The following ZNF621 variants were observed in gnomAD, a reference collection of about 807,000 sequenced individuals.
ZNF621 encodes zinc finger protein 621.
A neutral mutation model predicts 12.7 loss-of-function variants in ZNF621; 6 were observed. The observed-to-expected ratio is 0.47, with a 90% CI of 0.26 to 0.93. The LOEUF (loss-of-function observed/expected upper bound fraction) is 0.93, where lower values mean the gene tolerates loss of function less well. ZNF621 is among the 40% of genes least tolerant of loss of function. The pLI is 0.15. For synonymous variants in ZNF621, 156 were observed against 190.3 expected, an observed-to-expected ratio of 0.82 and a Z score of 1.48; for missense variants, 474 against 524.0, an observed-to-expected ratio of 0.90 and a Z score of 0.93.
rs1488438616 is a variant in ZNF621, at chr3:40,532,431, G to A, written c.661G>A (p.Ala221Thr). The change falls in exon 5 of 5, where the codon GCC becomes ACC. Residue 221 changes from alanine to threonine, a missense_variant. Ala to Thr is a moderately conservative substitution (Grantham distance 58). Transcript: ENST00000339296. ...ECGKGLSSNT[A>T]LTQHQRIHTG... ...TGGCAAAGGTTTGAGTTCCAACACA[G>A]CCTTGACTCAACATCAGAGGATCCA... The A allele has an allele frequency of 1.9e-6, 3 of 1,613,868 alleles. No homozygotes were observed. The highest frequency in any genetic ancestry group is 2.5e-6 in the Non-Finnish European group (3 of 1,179,996).
rs756241056 is a variant in ZNF621 at position 40,532,393 on chromosome 3, A to G, written c.623A>G (p.Glu208Gly). The change falls in exon 5 of 5, where the codon GAA (glutamate) becomes GGA (glycine). Residue 208 changes from glutamate to glycine, a missense_variant. Physicochemically the swap from Glu to Gly is moderately conservative, Grantham distance 98 (BLOSUM62 -2). Transcript: ENST00000339296. ...AACCACATTGGAGAAGGGCCCTATG[A>G]ATGTAAGGAGTGTGGCAAAGGTTTG... ...EKNHIGEGPYECKECGKGLSS... is the reference protein window; with the variant it reads ...EKNHIGEGPYGCKECGKGLSS... 3.1e-6 allele frequency: 5 copies of G among 1,613,684 alleles called. No homozygotes were observed. In the East Asian group the frequency reaches 8.9e-5, roughly 29 times the overall value.
rs1698904628 is a variant in ZNF621, at chr3:40,537,791, CATCTT to C, written c.*4705_*4709del. The C allele has an allele frequency of 6.1e-6, 1 of 163,464 alleles. No individual in the cohort carries two copies. Among genetic ancestry groups the C allele is most frequent in the Non-Finnish European group, 1.3e-5 (1 of 76,374 alleles). 10.1% of individuals were successfully genotyped at this position (163,464 alleles called of 1,614,324 possible). A position where few individuals can be genotyped will look rare whatever the true frequency, so the allele number is the denominator to read the frequency against. ...GGTTGGTTCATGAGGTTTAAGAAGT[CATCTT>C]ATCATAAAAGTGCAAGGTGAAGCAG... On this transcript the variant is annotated 3_prime_UTR_variant, in exon 5 of 5. Coordinates refer to ENST00000339296, the MANE Select transcript of ZNF621 (RefSeq NM_198484.5).
chr3:40,533,291 T>C lies in ZNF621; in HGVS notation c.*201T>C. The C allele has an allele frequency of 1.2e-6, 1 of 814,386 alleles. No homozygotes were observed. Among genetic ancestry groups the C allele is most frequent in the Non-Finnish European group, 1.8e-6 (1 of 550,674 alleles). The allele number at this position is 814,386 out of a possible 1,614,324, so 50.4% of individuals were successfully genotyped here. On this transcript the variant is annotated 3_prime_UTR_variant, in exon 5 of 5. Transcript: ENST00000339296. ...GAATAGCTGGGATTACAGGCACGCC[T>C]CACCACGCCCAGCTAATTTCTGTAT...
chr3:40,532,849 G>C lies in ZNF621; in HGVS notation c.1079G>C (p.Cys360Ser). Residue 360 changes from cysteine (C) to serine (S), a missense_variant, in exon 5 of 5, where the codon TGC becomes TCC. Physicochemically the swap from Cys to Ser is moderately radical, Grantham distance 112. Transcript: ENST00000339296. Reference protein sequence around the residue: ...VLGPSLVSPQCSSPAIPPVLL... With the variant: ...VLGPSLVSPQSSSPAIPPVLL... The stretch of plus-strand genomic sequence containing the variant: ...GGGCCATCCCTGGTCAGTCCCCAGT[G>C]CTCCTCTCCAGCCATACCTCCTGTT... 1 of 1,613,420 alleles carries C rather than the reference G, an allele frequency of 6.2e-7. No homozygotes were observed.
At chr3:40,531,094 A>T (rs966458035) in intron 4 of ZNF621, among the ~76,000 whole-genome samples, 5 of 152,238 alleles carry the variant, frequency 3.3e-5, no homozygotes, top group African/African-American at 1.2e-4. Flanking sequence ...CAGCTCTCTG[A>T]TCCAACTTCT....
intron 3 of ZNF621, 78 bp downstream of exon 3, chr3:40,529,523 GT>G (rs761133697): frequency 1.3e-6 from 2 of 1,599,640 alleles, no homozygotes; most frequent in Middle Eastern, 1.7e-4. Flanking sequence ...TAGCCCTTGG[GT>G]TTGATGACTT....
intron 4 of ZNF621, among the ~76,000 whole-genome samples, chr3:40,531,120 C>G (rs566833453): frequency 6.6e-6 from 1 of 152,322 alleles, no homozygotes; most frequent in African/African-American, 2.4e-5. Context: ...AGCTGACTTT[C>G]TGAAACTAAT....
chr3:40,525,959 A>G, intron 2 of ZNF621, 95 bp downstream of exon 2: 1 of 1,456,668 alleles, frequency 6.9e-7, no homozygotes. Flanking sequence ...AGGAAGGCCT[A>G]ACTTGGCCAA....
chr3:40,533,190 G>A lies in ZNF621; in HGVS notation c.*100G>A. The A allele has an allele frequency of 6.8e-7, 1 of 1,463,790 alleles. No individual in the cohort carries two copies. Among genetic ancestry groups the A allele is most frequent in the East Asian group, 2.5e-5 (1 of 40,386 alleles). The allele number at this position is 1,463,790 out of a possible 1,614,324, so 90.7% of individuals were successfully genotyped here. ...GGGTCTTGCTCTGTCACCCAGGCTA[G>A]AGTGCGGTGGTGTGATCTTGGCTCA... is the stretch of plus-strand genomic sequence containing the variant. On this transcript the variant is annotated 3_prime_UTR_variant, in exon 5 of 5. Transcript: ENST00000339296.
rs1698932230 is a variant in ZNF621, at chr3:40,538,831, T to C, written c.*5741T>C. On this transcript the variant is annotated 3_prime_UTR_variant, in exon 5 of 5. Coordinates refer to ENST00000339296, the MANE Select transcript of ZNF621 (RefSeq NM_198484.5). ...ATGGGAGAAGGTCAAAATATCAACA[T>C]TAACAGGAGTTCAGAAGACATTGAC... 6.6e-6 allele frequency: 1 copy of C among 152,516 alleles called. No individual in the cohort carries two copies. Among genetic ancestry groups the C allele is most frequent in the African/African-American group, 2.4e-5 (1 of 41,450 alleles). 9.4% of individuals were successfully genotyped at this position (152,516 alleles called of 1,614,324 possible). A position where few individuals can be genotyped will look rare whatever the true frequency, so the allele number is the denominator to read the frequency against.
At position 40,534,967 on chromosome 3, in the gene ZNF621, T is replaced by C. The variant is rs1418466809; in HGVS notation, c.*1877T>C. On this transcript the variant is annotated 3_prime_UTR_variant, in exon 5 of 5. Transcript: ENST00000339296. The stretch of plus-strand genomic sequence containing the variant: ...CCTTAACGTTTCCTGATGGTCATAC[T>C]ACAATTTTTGGAGTCCACTTAACTC... The C allele has an allele frequency of 6.6e-6, 1 of 152,252 alleles. No homozygotes were observed. The highest frequency in any genetic ancestry group is 2.4e-5 in the African/African-American group (1 of 41,462). 9.4% of individuals were successfully genotyped at this position (152,252 alleles called of 1,614,324 possible).
upstream of ZNF621, among the ~76,000 whole-genome samples, chr3:40,524,603 C>T (rs1698530758): frequency 6.6e-6 from 1 of 152,242 alleles, no homozygotes; most frequent in Non-Finnish European, 1.5e-5. Flanking sequence ...GCGCCATTCT[C>T]CCCTCACCTG....
chr3:40,525,534 GT>G, intron 1 of ZNF621: 1 of 584,142 alleles, frequency 1.7e-6, no homozygotes, highest in South Asian at 2.1e-5. Flanking sequence ...GGGTCCCTCA[GT>G]TTACCCGTAC....
In ZNF621 at chr3:40,529,594, CTCTT is replaced by C. The variant is rs764485007; in HGVS notation, c.151+151_151+154del. 147 of 1,545,092 alleles carry C rather than the reference CTCTT, an allele frequency of 9.5e-5. No individual in the cohort carries two copies. In the Admixed American group the frequency reaches 2.7e-3, roughly 28 times the overall value. On this transcript the variant is annotated intron_variant, in intron 3 of 4. Coordinates refer to ENST00000339296, the MANE Select transcript of ZNF621 (RefSeq NM_198484.5). ...ATACTGGGTAGGGAAATCCTTGGTT[CTCTT>C]TGTTTTTTGTTTGTTTGTTTGTTTT...
Position 40,532,109 on chromosome 3 carries a change from A to G in ZNF621, c.339A>G (p.Pro113=), listed in dbSNP as rs185766869. Residue 113 remains proline, a synonymous_variant, in exon 5 of 5, where the codon CCA becomes CCG. Coordinates refer to ENST00000339296, the MANE Select transcript of ZNF621 (RefSeq NM_198484.5). ...ASEETELHRM[P]VGGLLRNVSQ... The stretch of plus-strand genomic sequence containing the variant: ...AAGAAACAGAGTTGCACAGAATGCC[A>G]GTAGGAGGACTTCTCAGGAACGTTT... The G allele has an allele frequency of 1.7e-5, 28 of 1,614,168 alleles. No individual in the cohort carries two copies. The Admixed American group carries it at 4.2e-4, about 24-fold the overall frequency.
chr3:40,528,323 A>G (rs1256330733), intron 2 of ZNF621, among the ~76,000 whole-genome samples: 1 of 152,020 alleles, frequency 6.6e-6, no homozygotes, highest in Non-Finnish European at 1.5e-5. Context: ...TCATGGCTTG[A>G]TAGATCGTTT....
chr3:40,532,118 A>G lies in ZNF621; in HGVS notation c.348A>G (p.Gly116=). ...AGTTGCACAGAATGCCAGTAGGAGG[A>G]CTTCTCAGGAACGTTTCTCAGCACT... ...ETELHRMPVG[G]LLRNVSQHFD... Residue 116 remains glycine (G), a synonymous_variant, in exon 5 of 5, where the codon GGA becomes GGG. Transcript: ENST00000339296. 1 of 1,614,190 alleles carries G rather than the reference A, an allele frequency of 6.2e-7. No homozygotes were observed. The highest frequency in any genetic ancestry group is 8.5e-7 in the Non-Finnish European group (1 of 1,180,044).
rs747136554 is a variant in ZNF621 at position 40,530,291 on chromosome 3, C to T, written c.234C>T (p.Thr78=). 148 of 1,613,702 alleles carry T rather than the reference C, an allele frequency of 9.2e-5. No individual in the cohort carries two copies. The highest frequency in any genetic ancestry group is 1.1e-4 in the Non-Finnish European group (135 of 1,179,892). The stretch of plus-strand genomic sequence containing the variant: ...CATGGGGCCCAGATCCCTGGGACAC[C>T]GAGATTCTGAGAGGCATCAGTCAAG... ...EAPWGPDPWD[T]EILRGISQGG... Residue 78 remains threonine, a synonymous_variant, in exon 4 of 5, where the codon ACC becomes ACT. Transcript: ENST00000339296.
intron 4 of ZNF621, among the ~76,000 whole-genome samples, chr3:40,530,957 C>T (rs1698713250): frequency 6.6e-6 from 1 of 152,164 alleles, no homozygotes; most frequent in South Asian, 2.1e-4. Flanking sequence ...CCTGAGATGG[C>T]TTACCAGTCC....
Sources: allele counts gnomAD v4.1 joint callset (sites outside exome capture counted in the v4.1 genomes callset), GRCh38; gene constraint gnomAD v4.1.1; transcripts MANE v1.5; gene names NCBI Gene and HGNC (gene_info 2026-07-23, HGNC 2026-07-21).